ITSN2: variants seen among roughly 807,000 people sequenced by gnomAD.
ITSN2 encodes the protein intersectin-2.
ITSN2 carries 156 observed loss-of-function variants against 243.7 expected under a neutral mutation model. The ratio of observed to expected loss-of-function variants is 0.64; its 90% confidence interval spans 0.56 to 0.73. The LOEUF is 0.73. Among genes scored for constraint, ITSN2 ranks in the 30% least tolerant of loss-of-function variants. The pLI is 0.00. For missense variants in ITSN2, 1,801 were observed against 1,996.1 expected (o/e 0.90, Z 1.86); for synonymous variants, 703 against 699.9 (o/e 1.00, Z -0.07).
At chr2:24,333,073 G>T (rs1248003812) in intron 1 of ITSN2, among the ~76,000 whole-genome samples, 3 of 152,200 alleles carry the variant, frequency 2.0e-5, no homozygotes, top group African/African-American at 7.2e-5. Context: ...TCATTTCACA[G>T]AAGAAACTGA....
At chr2:24,299,722 T>C (rs1026282805) in intron 12 of ITSN2, among the ~76,000 whole-genome samples, 187 bp downstream of exon 12, 2 of 151,740 alleles carry the variant, frequency 1.3e-5, no homozygotes, top group Non-Finnish European at 2.9e-5. Flanking sequence ...TGAAAACTCC[T>C]TATAAGCAAG....
chr2:24,261,536 A>G, intron 21 of ITSN2, 25 bp downstream of exon 21: 1 of 1,561,680 alleles, frequency 6.4e-7, no homozygotes, highest in Non-Finnish European at 8.8e-7. Context: ...ATCTATATAA[A>G]CTTTACTGTT....
Position 24,310,314 on chromosome 2 carries a change from G to A in ITSN2, c.623C>T (p.Ala208Val), listed in dbSNP as rs1683096263. 3.1e-6 allele frequency: 5 copies of A among 1,613,330 alleles called. No individual in the cohort carries two copies. The highest frequency in any genetic ancestry group is 4.2e-6 in the Non-Finnish European group (5 of 1,179,628). ...GGFGGASIQK[A>V]QSLIDLGSSS... ...AGATCCTAAATCAATCAGAGACTGCGCTTTCTGTATACTAGCACCTCCAAA... is the reference window on the plus strand; with the variant it reads ...AGATCCTAAATCAATCAGAGACTGCACTTTCTGTATACTAGCACCTCCAAA... The change falls in exon 7 of 40, where the codon GCG becomes GTG. Residue 208 changes from alanine (A) to valine (V), a missense_variant. By Grantham distance (64) the Ala-to-Val change is moderately conservative. Around this residue, in one of 5 missense-constraint regions of ITSN2, gnomAD observed 787 missense variants for 803.9 expected, o/e 0.98. Coordinates refer to ENST00000355123, the MANE Select transcript of ITSN2 (RefSeq NM_006277.3).
intron 1 of ITSN2, among the ~76,000 whole-genome samples, chr2:24,339,163 T>G (rs1686765194): frequency 6.6e-6 from 1 of 151,760 alleles, no homozygotes; most frequent in African/African-American, 2.4e-5. Context: ...GATTTGAGAG[T>G]GATGTAATTT....
chr2:24,293,603 T>C (rs1244471290), intron 15 of ITSN2, 85 bp downstream of exon 15: 1 of 558,660 alleles, frequency 1.8e-6, no homozygotes, highest in East Asian at 3.4e-5. Context: ...CAGAATACTT[T>C]TTTTAATTTT....
At chr2:24,264,351 G>T (rs1326571312) in intron 20 of ITSN2, among the ~76,000 whole-genome samples, 7 of 151,276 alleles carry the variant, frequency 4.6e-5, no homozygotes, top group Non-Finnish European at 8.8e-5. Flanking sequence ...TCACGCCATT[G>T]CACTCCAGCC....
chr2:24,278,043 C>A lies in ITSN2; in HGVS notation c.1945-2194G>T, dbSNP rs555957067. Among the ~76,000 whole-genome samples, 3 of 152,246 alleles carry A rather than the reference C, an allele frequency of 2.0e-5. No individual in the cohort carries two copies. The South Asian group carries it at 6.2e-4, about 32-fold the overall frequency. ...ATAAAGTGCTTATTATAGTGCAGAGCACCTAGGTTCTCAGTAAATCTTAGT... is the reference window on the plus strand; with the variant it reads ...ATAAAGTGCTTATTATAGTGCAGAGAACCTAGGTTCTCAGTAAATCTTAGT... On this transcript the variant is annotated intron_variant, in intron 17 of 39. Transcript: ENST00000355123.
chr2:24,258,215 A>T (rs537616326), intron 22 of ITSN2, 122 bp from the exon 23 acceptor site: 1 of 679,078 alleles, frequency 1.5e-6, no homozygotes, highest in African/African-American at 1.8e-5. Flanking sequence ...GTGACTTAAG[A>T]TAACCTTAGT....
In ITSN2 at chr2:24,248,877, A is replaced by G. The variant is rs772824773; in HGVS notation, c.3126T>C (p.Phe1042=). 1.2e-6 allele frequency: 2 copies of G among 1,613,490 alleles called. No homozygotes were observed. Among genetic ancestry groups the G allele is most frequent in the South Asian group, 2.2e-5 (2 of 91,068 alleles). The change falls in exon 26 of 40, where the codon TTT becomes TTC. Residue 1042 remains phenylalanine, a synonymous_variant. Coordinates refer to ENST00000355123, the MANE Select transcript of ITSN2 (RefSeq NM_006277.3). The part of the protein sequence containing the change: ...NYVKPKDQES[F]GSASKSGASN... ...ATGCTCCAGACTTGCTAGCACTCCC[A>G]AAACTCTACAAGGAAAAGATACCGT...
At chr2:24,283,447 A>T (rs1574142023) in intron 17 of ITSN2, among the ~76,000 whole-genome samples, 1 of 152,284 alleles carries the variant, frequency 6.6e-6, no homozygotes, top group Non-Finnish European at 1.5e-5. Context: ...GCTGGTCTCA[A>T]ACTCCTGACC....
At chr2:24,315,277 C>A in intron 2 of ITSN2, 53 bp from the exon 3 acceptor site, 1 of 965,758 alleles carries the variant, frequency 1.0e-6, no homozygotes, top group Non-Finnish European at 1.6e-6. Context: ...GCTTAAAATA[C>A]AATTCTAAAA....
At chr2:24,349,551 A>G (rs966478570) in intron 1 of ITSN2, among the ~76,000 whole-genome samples, 4 of 152,228 alleles carry the variant, frequency 2.6e-5, no homozygotes, top group Non-Finnish European at 4.4e-5. Flanking sequence ...ATGTTTAATG[A>G]TAACATACAC....
intron 20 of ITSN2, among the ~76,000 whole-genome samples, chr2:24,269,074 T>C (rs1329518691): frequency 6.6e-6 from 1 of 151,218 alleles, no homozygotes; most frequent in Non-Finnish European, 1.5e-5. Context: ...TTTTTTTTCC[T>C]ACTACTAGTC....
rs1669445221 is a variant in ITSN2, at chr2:24,211,051, C to T, written c.4090-104G>A. On this transcript the variant is annotated intron_variant, in intron 33 of 39. Transcript: ENST00000355123. This position sits in a 1 kb window ranked among gnomAD's most constrained non-coding sequence, Gnocchi z 4.1. ...CCAACCCCATGTTATGGACTGCTTC[C>T]ATGCCCTGGAAACGCGGCGGTGAAC... The T allele has an allele frequency of 8.9e-7, 1 of 1,118,446 alleles. No homozygotes were observed. The highest frequency in any genetic ancestry group is 2.3e-5 in the Admixed American group (1 of 44,018). The allele number at this position is 1,118,446 out of a possible 1,614,324, so 69.3% of individuals were successfully genotyped here. A position where few individuals can be genotyped will look rare whatever the true frequency, so the allele number is the denominator to read the frequency against.
chr2:24,341,566 T>C (rs1687047912), intron 1 of ITSN2, among the ~76,000 whole-genome samples: 1 of 152,132 alleles, frequency 6.6e-6, no homozygotes, highest in Admixed American at 6.6e-5. Flanking sequence ...TGAAGTAGAT[T>C]AGGCAATAAA....
At chr2:24,209,478 C>T (rs74588987) in intron 35 of ITSN2, among the ~76,000 whole-genome samples, 4,958 of 152,302 alleles carry the variant, frequency 0.033, 145 homozygotes, top group Non-Finnish European at 0.047. Context: ...GCGCCCATGA[C>T]GGCTGGTGCA....
At chr2:24,337,317 T>TATATATATATATAA (rs1553395899) in intron 1 of ITSN2, among the ~76,000 whole-genome samples, 1 of 49,174 alleles carries the variant, frequency 2.0e-5, no homozygotes, top group South Asian at 6.4e-4. Context: ...ATACACAAAA[T>TATATATATATATAA]ATATATATAT....
rs948562931 is a variant in ITSN2, at chr2:24,308,625, T to C, written c.785A>G (p.Tyr262Cys). 11 of 1,502,152 alleles carry C rather than the reference T, an allele frequency of 7.3e-6. No homozygotes were observed. In the Admixed American group the frequency reaches 1.4e-4, roughly 19 times the overall value. The allele number at this position is 1,502,152 out of a possible 1,614,324, so 93.1% of individuals were successfully genotyped here. A position where few individuals can be genotyped will look rare whatever the true frequency, so the allele number is the denominator to read the frequency against. ...CACTGTATGCTGCTTACCTGAGAGA[T>C]ATCCACTCATACTTTTGTCAAGAGT... The part of the protein sequence containing the change: ...FNTLDKSMSG[Y>C]LSGFQARNAL... Residue 262 changes from tyrosine (Y) to cysteine (C), a missense_variant, in exon 8 of 40, where the codon TAT becomes TGT. Transcript: ENST00000355123.
chr2:24,310,726 A>G, intron 5 of ITSN2, 34 bp from the exon 6 acceptor site: 1 of 1,576,838 alleles, frequency 6.3e-7, no homozygotes, highest in South Asian at 1.1e-5. Flanking sequence ...TTCCAGTGCT[A>G]GAAAATCAAT....
Sources: gnomAD v4.1 joint callset for allele counts (sites outside exome capture counted in the v4.1 genomes callset) on GRCh38, gnomAD v4.1.1 for gene constraint, gnomAD v4.1.1 regional missense constraint, Gnocchi (gnomAD v3.1) non-coding constraint, MANE v1.5 for transcripts, NCBI Gene and HGNC (gene_info 2026-07-23, HGNC 2026-07-21) for gene names.